KCNMA1: variants seen among roughly 807,000 people sequenced by gnomAD.
KCNMA1 encodes potassium calcium-activated channel subfamily M alpha 1.
In KCNMA1, 29 loss-of-function variants were observed where a neutral mutation model predicts 140.0. The observed-to-expected ratio is 0.21, with a 90% CI of 0.15 to 0.28. The LOEUF is 0.28. Ranked by LOEUF, KCNMA1 falls within the 10% of genes least tolerant of loss-of-function variation. The pLI is 1.00. For missense variants in KCNMA1, 880 were observed against 1,602.2 expected, an observed-to-expected ratio of 0.55 and a Z score of 7.70; for synonymous variants, 612 against 611.9, an observed-to-expected ratio of 1.00 and a Z score of 0.00.
At chr10:77,008,283 A>G (rs2089711575) in intron 18 of KCNMA1, 1 of 1,372,484 alleles carries the variant, frequency 7.3e-7, no homozygotes, top group Admixed American at 2.1e-5. Flanking sequence ...AATGATTTGA[A>G]GTCAAAGAAA....
intron 23 of KCNMA1, among the ~76,000 whole-genome samples, chr10:76,933,911 T>G (rs187061817): frequency 1.3e-5 from 2 of 152,336 alleles, no homozygotes; most frequent in East Asian, 1.9e-4. Flanking sequence ...TATAAATCAG[T>G]TGGCTTCTTT....
chr10:77,034,243 CAA>C (rs1187442257), intron 15 of KCNMA1, among the ~76,000 whole-genome samples: 31 of 71,574 alleles, frequency 4.3e-4, no homozygotes, highest in Non-Finnish European at 5.5e-4. Flanking sequence ...GACTCCATCT[CAA>C]AAAAAAAAAA....
intron 11 of KCNMA1, among the ~76,000 whole-genome samples, chr10:77,085,530 C>G (rs2096671470): frequency 6.6e-6 from 1 of 152,214 alleles, no homozygotes; most frequent in South Asian, 2.1e-4. Flanking sequence ...ATTAACTGGA[C>G]TCTATGAGCA....
At chr10:77,038,136 C>T (rs1479888183) in intron 15 of KCNMA1, among the ~76,000 whole-genome samples, 1 of 152,176 alleles carries the variant, frequency 6.6e-6, no homozygotes, top group Non-Finnish European at 1.5e-5. Flanking sequence ...CAGGGACTGA[C>T]AGAGTGCACC....
chr10:76,896,520 A>G lies in KCNMA1; in HGVS notation c.3148-4801T>C, dbSNP rs375936676. On this transcript the variant is annotated intron_variant, in intron 25 of 27. Transcript: ENST00000286628. Reference sequence around the variant, plus strand: ...TCAGCTTACAAAGATGATGGGATTAAGAGATTAAAGACAGACATAGGAAAT... The same window carrying G: ...TCAGCTTACAAAGATGATGGGATTAGGAGATTAAAGACAGACATAGGAAAT... Among the ~76,000 whole-genome samples the G allele has an allele frequency of 4.3e-4, 66 of 152,340 alleles. No homozygotes were observed. The South Asian group carries it at 6.6e-3, about 15-fold the overall frequency.
In KCNMA1 at chr10:76,940,994, A is replaced by AGAGAAAGGAAGGAAGGAAGGAAGG. The variant is rs1565056414; in HGVS notation, c.2902+3778_2902+3779insCCTTCCTTCCTTCCTTCCTTTCTC. ...GAAAGAAAGAAAGAGAGAAAGAGAG[A>AGAGAAAGGAAGGAAGGAAGGAAGG]AAGAAAGGAAGGAAGGAAGGAAGGA... is the stretch of plus-strand genomic sequence containing the variant. On this transcript the variant is annotated intron_variant, in intron 23 of 27. Coordinates refer to ENST00000286628, the MANE Select transcript of KCNMA1 (RefSeq NM_001161352.2). 6.9e-4 allele frequency among the ~76,000 whole-genome samples: 36 copies of AGAGAAAGGAAGGAAGGAAGGAAGG among 52,312 alleles called. 2 individuals are homozygous for AGAGAAAGGAAGGAAGGAAGGAAGG. The highest frequency in any genetic ancestry group is 2.4e-3 in the African/African-American group (32 of 13,132). 34.3% of individuals were successfully genotyped at this position (52,312 alleles called of 152,430 possible). A position where few individuals can be genotyped will look rare whatever the true frequency, so the allele number is the denominator to read the frequency against.
intron 2 of KCNMA1, among the ~76,000 whole-genome samples, chr10:77,253,909 G>A (rs1056124143): frequency 6.6e-6 from 1 of 152,124 alleles, no homozygotes; most frequent in Admixed American, 6.5e-5. Context: ...AGATCCAGGT[G>A]CTGCAGAAAA....
intron 14 of KCNMA1, among the ~76,000 whole-genome samples, chr10:77,060,516 GAGA>G (rs1241958417): frequency 6.6e-6 from 1 of 152,164 alleles, no homozygotes; most frequent in Non-Finnish European, 1.5e-5. Flanking sequence ...TCCAAAAATG[GAGA>G]AGAATTTTGT....
chr10:76,951,893 C>A, intron 21 of KCNMA1: 1 of 813,156 alleles, frequency 1.2e-6, no homozygotes, highest in Non-Finnish European at 2.0e-6. Flanking sequence ...CAGCCCCACC[C>A]TGCTAGAACA....
At chr10:77,518,627 C>T (rs1020635052) in intron 1 of KCNMA1, among the ~76,000 whole-genome samples, 1 of 152,148 alleles carries the variant, frequency 6.6e-6, no homozygotes, top group Non-Finnish European at 1.5e-5. Context: ...AGGGAGGAGG[C>T]CTGGGTGTGG....
chr10:77,508,467 G>A (rs542140864), intron 1 of KCNMA1, among the ~76,000 whole-genome samples: 57 of 151,546 alleles, frequency 3.8e-4, no homozygotes, highest in Non-Finnish European at 5.4e-4. Context: ...TTAGAGGCGC[G>A]AGTCCCCCCA....
At chr10:77,571,317 A>C (rs536753787) in intron 1 of KCNMA1, among the ~76,000 whole-genome samples, 1 of 152,348 alleles carries the variant, frequency 6.6e-6, no homozygotes, top group South Asian at 2.1e-4. Flanking sequence ...ACAGGAATCC[A>C]TCAAGGCTTG....
intron 3 of KCNMA1, among the ~76,000 whole-genome samples, chr10:77,201,687 T>C (rs1387202561): frequency 6.6e-6 from 1 of 152,252 alleles, no homozygotes; most frequent in Admixed American, 6.5e-5. Flanking sequence ...GTGCTTATTT[T>C]TAAGTTATTT....
intron 1 of KCNMA1, among the ~76,000 whole-genome samples, chr10:77,515,287 T>A (rs532554981): frequency 7.2e-5 from 11 of 151,968 alleles, no homozygotes; most frequent in African/African-American, 2.7e-4. Flanking sequence ...CACACAAAGG[T>A]ACATTTTCAA....
At chr10:77,093,225 GA>G (rs927517328) in intron 9 of KCNMA1, among the ~76,000 whole-genome samples, 6 of 151,646 alleles carry the variant, frequency 4.0e-5, no homozygotes, top group African/African-American at 9.7e-5. Flanking sequence ...AAAAAAGGAA[GA>G]AAAAAAACCT....
chr10:77,080,707 A>C (rs1489791417), intron 12 of KCNMA1, among the ~76,000 whole-genome samples: 1 of 152,128 alleles, frequency 6.6e-6, no homozygotes, highest in Non-Finnish European at 1.5e-5. Context: ...CTACGTAGAC[A>C]TCGAAAGCGA....
chr10:77,277,813 A>G (rs889954174), intron 2 of KCNMA1, among the ~76,000 whole-genome samples: 2 of 152,190 alleles, frequency 1.3e-5, no homozygotes, highest in Admixed American at 6.5e-5. Flanking sequence ...AAGTACCACA[A>G]TTGGAGAAGG....
intron 2 of KCNMA1, among the ~76,000 whole-genome samples, chr10:77,392,812 T>TA (rs1292177734): frequency 6.6e-6 from 1 of 152,170 alleles, no homozygotes; most frequent in Non-Finnish European, 1.5e-5. Flanking sequence ...CCTCCCCAAA[T>TA]ACTGGTGCAG....
chr10:77,104,088 C>T (rs953572090), intron 9 of KCNMA1, among the ~76,000 whole-genome samples: 2 of 152,194 alleles, frequency 1.3e-5, no homozygotes, highest in Non-Finnish European at 2.9e-5. Flanking sequence ...AGTTACTTAA[C>T]CTCCCTGTTC....
Sources: gnomAD v4.1 joint callset for allele counts (sites outside exome capture counted in the v4.1 genomes callset) on GRCh38, gnomAD v4.1.1 for gene constraint, MANE v1.5 for transcripts, NCBI Gene and HGNC (gene_info 2026-07-23, HGNC 2026-07-21) for gene names.